Variants in CNTNAP5 observed in about 807,000 individuals in gnomAD.
The protein encoded by CNTNAP5 is contactin associated protein family member 5.
A neutral mutation model predicts 150.2 loss-of-function variants in CNTNAP5; 72 were observed. That is an observed-to-expected ratio of 0.48 (90% confidence interval 0.40 to 0.58). The LOEUF (loss-of-function observed/expected upper bound fraction) is 0.58. Among genes scored for constraint, CNTNAP5 ranks in the 20% least tolerant of loss-of-function variants. CNTNAP5 has a pLI of 0.00. For missense variants in CNTNAP5, 1,636 were observed against 1,626.2 expected, an observed-to-expected ratio of 1.01 and a Z score of -0.10; for synonymous variants, 672 against 619.8, an observed-to-expected ratio of 1.08 and a Z score of -1.25.
At chr2:124,430,734 G>A (rs982296908) in intron 4 of CNTNAP5, among the ~76,000 whole-genome samples, 9 of 152,226 alleles carry the variant, frequency 5.9e-5, no homozygotes, top group South Asian at 2.1e-4. Context: ...AATAGAAAAC[G>A]GAAAGCAGGC....
chr2:124,126,536 G>A (rs1252363907), intron 1 of CNTNAP5, among the ~76,000 whole-genome samples: 3 of 152,078 alleles, frequency 2.0e-5, no homozygotes, highest in Admixed American at 2.0e-4. Flanking sequence ...AGAAAAAGAG[G>A]GAATCCTTCT....
intron 1 of CNTNAP5, among the ~76,000 whole-genome samples, chr2:124,207,662 G>C (rs1685894936): frequency 6.6e-6 from 1 of 152,108 alleles, no homozygotes; most frequent in Non-Finnish European, 1.5e-5. Context: ...AATTTTCCCA[G>C]GGTTGTAATT....
chr2:124,284,105 A>G (rs999480914), intron 3 of CNTNAP5, among the ~76,000 whole-genome samples: 1 of 152,200 alleles, frequency 6.6e-6, no homozygotes, highest in Non-Finnish European at 1.5e-5. Flanking sequence ...GGAACACAGG[A>G]TGTTCTAAAT....
chr2:124,194,140 C>G (rs1039648212), intron 1 of CNTNAP5, among the ~76,000 whole-genome samples: 1 of 151,846 alleles, frequency 6.6e-6, no homozygotes, highest in Non-Finnish European at 1.5e-5. Flanking sequence ...GCTGCAATAT[C>G]CCTTCATTCC....
chr2:124,731,011 CT>C (rs1209716140), intron 13 of CNTNAP5, among the ~76,000 whole-genome samples: 1 of 152,032 alleles, frequency 6.6e-6, no homozygotes, highest in Admixed American at 6.6e-5. Flanking sequence ...ATTAGAAGAG[CT>C]GCTCTGTGCC....
Position 124,025,538 on chromosome 2 carries a change from A to G in CNTNAP5, c.-113A>G, listed in dbSNP as rs1680857694. On this transcript the variant is annotated 5_prime_UTR_variant, in exon 1 of 24. Transcript: ENST00000682447. Reference sequence around the variant, plus strand: ...GAGTGAAAGAGCGAGTGCCTCTCCAAGCGGGGGTGGGAGGGGGTCAGGCTG... The same window carrying G: ...GAGTGAAAGAGCGAGTGCCTCTCCAGGCGGGGGTGGGAGGGGGTCAGGCTG... The G allele has an allele frequency of 2.6e-5, 22 of 857,084 alleles. No individual in the cohort carries two copies. The South Asian group carries it at 3.0e-4, about 12-fold the overall frequency. The allele number at this position is 857,084 out of a possible 1,614,324, so 53.1% of individuals were successfully genotyped here.
intron 3 of CNTNAP5, among the ~76,000 whole-genome samples, chr2:124,381,538 C>A (rs933539212): frequency 2.0e-5 from 3 of 152,022 alleles, no homozygotes; most frequent in Non-Finnish European, 2.9e-5. Flanking sequence ...GATCACCCCC[C>A]CCTCCAAGAC....
At chr2:124,533,632 T>C (rs765090955) in intron 10 of CNTNAP5, among the ~76,000 whole-genome samples, 9 of 152,178 alleles carry the variant, frequency 5.9e-5, no homozygotes, top group Non-Finnish European at 8.8e-5. Flanking sequence ...CCAAAGTCCC[T>C]TTCTCCAAAG....
intron 6 of CNTNAP5, among the ~76,000 whole-genome samples, chr2:124,453,700 C>A (rs1400254605): frequency 6.6e-6 from 1 of 152,184 alleles, no homozygotes; most frequent in Non-Finnish European, 1.5e-5. Flanking sequence ...ACAAATCCTA[C>A]AAGCTAGAAG....
At chr2:124,035,761 G>A (rs1392026080) in intron 1 of CNTNAP5, among the ~76,000 whole-genome samples, 9 of 152,166 alleles carry the variant, frequency 5.9e-5, no homozygotes, top group African/African-American at 1.9e-4. Context: ...CCATAGCAGA[G>A]GGCTGCATAA....
intron 1 of CNTNAP5, among the ~76,000 whole-genome samples, chr2:124,092,345 CT>C (rs1410206963): frequency 5.9e-5 from 9 of 152,144 alleles, no homozygotes; most frequent in Admixed American, 3.9e-4. Flanking sequence ...ATATTTTAGG[CT>C]TTGTAGGCTA....
intron 1 of CNTNAP5, among the ~76,000 whole-genome samples, chr2:124,103,340 T>G (rs140425695): frequency 0.015 from 2,305 of 152,206 alleles, 29 homozygotes; most frequent in Non-Finnish European, 0.019. Context: ...GAATAATTTT[T>G]TAAAATAAGT....
intron 13 of CNTNAP5, among the ~76,000 whole-genome samples, chr2:124,669,184 T>TGCA (rs1268908886): frequency 1.3e-5 from 2 of 152,352 alleles, no homozygotes; most frequent in Admixed American, 1.3e-4. Flanking sequence ...GTATTCATTT[T>TGCA]TATATCCTCA....
chr2:124,822,341 C>T (rs1682509074), intron 19 of CNTNAP5, among the ~76,000 whole-genome samples: 1 of 152,158 alleles, frequency 6.6e-6, no homozygotes, highest in Non-Finnish European at 1.5e-5. Flanking sequence ...TCCTTCATTA[C>T]AACCTTGTCT....
At chr2:124,452,092 G>C (rs1366544519) in intron 6 of CNTNAP5, among the ~76,000 whole-genome samples, 1 of 152,050 alleles carries the variant, frequency 6.6e-6, no homozygotes, top group Non-Finnish European at 1.5e-5. Context: ...CACAGGTCGG[G>C]GAAGCAGGAA....
At chr2:124,098,752 T>C (rs1344906239) in intron 1 of CNTNAP5, among the ~76,000 whole-genome samples, 2 of 150,742 alleles carry the variant, frequency 1.3e-5, no homozygotes, top group Admixed American at 6.6e-5. Flanking sequence ...AACAAACAAC[T>C]GATAAGATGC....
chr2:124,626,989 G>A (rs1677738024), intron 12 of CNTNAP5, among the ~76,000 whole-genome samples: 1 of 152,178 alleles, frequency 6.6e-6, no homozygotes, highest in African/African-American at 2.4e-5. Flanking sequence ...GCAGATCATG[G>A]CTAGATGGCT....
chr2:124,808,302 TCC>T (rs1558783887), intron 19 of CNTNAP5, among the ~76,000 whole-genome samples: 1 of 152,134 alleles, frequency 6.6e-6, no homozygotes, highest in Non-Finnish European at 1.5e-5. Context: ...CTTCTTAAAC[TCC>T]TTCAAAATGA....
chr2:124,617,365 C>A (rs1041977341), intron 12 of CNTNAP5, among the ~76,000 whole-genome samples: 5 of 152,122 alleles, frequency 3.3e-5, no homozygotes, highest in Non-Finnish European at 7.4e-5. Context: ...TGCCACACTT[C>A]CTGTTAAACC....
Sources: gnomAD v4.1 joint callset for allele counts (sites outside exome capture counted in the v4.1 genomes callset) on GRCh38, gnomAD v4.1.1 for gene constraint, MANE v1.5 for transcripts, NCBI Gene and HGNC (gene_info 2026-07-23, HGNC 2026-07-21) for gene names.